The following COMMD10 variants were observed in gnomAD, a reference collection of about 807,000 sequenced individuals.
COMMD10 encodes COMM domain containing 10, also known as COMM domain-containing protein 10.
COMMD10 carries 33 observed loss-of-function variants against 28.9 expected under a neutral mutation model. The observed-to-expected ratio is 1.14, with a 90% CI of 0.87 to 1.53. COMMD10 has a LOEUF of 1.53. Ranked by LOEUF, COMMD10 falls within the 40% of genes most tolerant of loss-of-function variation. The probability of loss-of-function intolerance (pLI) is 0.00; values close to 1 mark genes in which losing one functional copy is unlikely to be tolerated. For missense variants in COMMD10, 310 were observed against 233.4 expected, an observed-to-expected ratio of 1.33 and a Z score of -2.14; for synonymous variants, 110 against 81.7, an observed-to-expected ratio of 1.35 and a Z score of -1.87.
chr5:116,088,156 C>CAAAA (rs751626077), intron 2 of COMMD10, among the ~76,000 whole-genome samples: 4,722 of 152,172 alleles, frequency 0.031, 79 homozygotes, highest in African/African-American at 0.034. Flanking sequence ...AATTTGATTC[C>CAAAA]ATCTCATATT....
At chr5:116,116,837 G>T (rs933496340) in intron 4 of COMMD10, among the ~76,000 whole-genome samples, 1 of 151,662 alleles carries the variant, frequency 6.6e-6, no homozygotes, top group East Asian at 1.9e-4. Context: ...TCCTGCCTCA[G>T]CCTCCCAAAA....
chr5:116,120,679 T>G (rs1264051777), intron 4 of COMMD10, among the ~76,000 whole-genome samples: 4 of 152,118 alleles, frequency 2.6e-5, no homozygotes, highest in Admixed American at 1.3e-4. Context: ...ATATACTTTT[T>G]GTATGTGTCT....
chr5:116,184,358 C>G (rs1223365231), intron 5 of COMMD10, among the ~76,000 whole-genome samples: 4 of 149,400 alleles, frequency 2.7e-5, no homozygotes, highest in African/African-American at 7.4e-5. Context: ...CAGCTTTACT[C>G]TACAATAAGT....
chr5:116,215,345 A>G (rs1749067724), intron 5 of COMMD10, among the ~76,000 whole-genome samples: 1 of 152,098 alleles, frequency 6.6e-6, no homozygotes, highest in Non-Finnish European at 1.5e-5. Flanking sequence ...GTATTGATGC[A>G]GTATGGTCAA....
At chr5:116,088,930 T>A (rs1750210583) in intron 2 of COMMD10, among the ~76,000 whole-genome samples, 1 of 152,216 alleles carries the variant, frequency 6.6e-6, no homozygotes, top group South Asian at 2.1e-4. Flanking sequence ...TCTTTATGTT[T>A]CCCATTCCTA....
At chr5:116,204,169 C>G (rs1240488873) in intron 5 of COMMD10, among the ~76,000 whole-genome samples, 1 of 152,132 alleles carries the variant, frequency 6.6e-6, no homozygotes, top group African/African-American at 2.4e-5. Flanking sequence ...GTAAAGGGAT[C>G]AATTCAACAA....
At chr5:116,255,774 C>G (rs1580588241) in intron 5 of COMMD10, 1 of 151,030 alleles carries the variant, frequency 6.6e-6, no homozygotes, top group South Asian at 2.1e-4. Flanking sequence ...AAAAAAGATA[C>G]AACCCATGAG....
intron 5 of COMMD10, among the ~76,000 whole-genome samples, chr5:116,220,781 A>G (rs979133047): frequency 3.3e-5 from 5 of 152,160 alleles, no homozygotes; most frequent in African/African-American, 9.7e-5. Flanking sequence ...CTATTACCCT[A>G]TGGGAATCTG....
intron 5 of COMMD10, among the ~76,000 whole-genome samples, chr5:116,201,096 T>G (rs551062016): frequency 1.3e-5 from 2 of 152,268 alleles, no homozygotes; most frequent in South Asian, 4.1e-4. Flanking sequence ...TTGGGTATTT[T>G]CTTTCTCCCA....
intron 5 of COMMD10, among the ~76,000 whole-genome samples, chr5:116,165,640 ACG>A (rs1160287053): frequency 6.6e-6 from 1 of 151,912 alleles, no homozygotes; most frequent in Non-Finnish European, 1.5e-5. Context: ...GCGCACACAC[ACG>A]CGTGTGCACA....
At position 116,292,440 on chromosome 5, in the gene COMMD10, T is replaced by A; in HGVS notation, c.571-11T>A. 6.6e-7 allele frequency: 1 copy of A among 1,508,622 alleles called. No homozygotes were observed. The highest frequency in any genetic ancestry group is 8.9e-7 in the Non-Finnish European group (1 of 1,129,858). The allele number at this position is 1,508,622 out of a possible 1,614,324, so 93.5% of individuals were successfully genotyped here. A position where few individuals can be genotyped will look rare whatever the true frequency, so the allele number is the denominator to read the frequency against. ...ACTAACGTCTTTTTTTTTTTTTGTC[T>A]TTGTAAATAGCTAGAGACTATACAA... On this transcript the variant is annotated splice_polypyrimidine_tract_variant and intron_variant, in intron 6 of 6. Coordinates refer to ENST00000274458, the MANE Select transcript of COMMD10 (RefSeq NM_016144.4).
At chr5:116,118,606 G>T (rs2112747676) in intron 4 of COMMD10, among the ~76,000 whole-genome samples, 1 of 152,202 alleles carries the variant, frequency 6.6e-6, no homozygotes, top group Admixed American at 6.5e-5. Context: ...ATTTTTGGTT[G>T]TACTTCAAGC....
intron 5 of COMMD10, among the ~76,000 whole-genome samples, chr5:116,288,550 C>T (rs543014082): frequency 2.0e-5 from 3 of 151,750 alleles, no homozygotes; most frequent in East Asian, 1.9e-4. Context: ...TTCTCTCTTA[C>T]TTTCCCTTCT....
At chr5:116,199,477 C>A (rs1467027191) in intron 5 of COMMD10, among the ~76,000 whole-genome samples, 1 of 152,034 alleles carries the variant, frequency 6.6e-6, no homozygotes. Flanking sequence ...TGAAGTCCAG[C>A]TTGTCACTTC....
At chr5:116,126,804 C>T (rs906013017) in intron 4 of COMMD10, among the ~76,000 whole-genome samples, 3 of 152,156 alleles carry the variant, frequency 2.0e-5, no homozygotes, top group Admixed American at 2.0e-4. Context: ...AAAAATTAGA[C>T]CTAAAACCAT....
In COMMD10 at chr5:116,103,599, A is replaced by G. The variant is rs1001774885; in HGVS notation, c.399+10899A>G. 4.3e-4 allele frequency among the ~76,000 whole-genome samples: 65 copies of G among 152,182 alleles called. 1 individual carries two copies. The highest frequency in any genetic ancestry group is 3.4e-3 in the Middle Eastern group (1 of 292). ...GGATAGATTGCAAAAATTTTCTCCC[A>G]TTCTGTAGGTTGCCTATTCACTCTG... On this transcript the variant is annotated intron_variant, in intron 4 of 6. Coordinates refer to ENST00000274458, the MANE Select transcript of COMMD10 (RefSeq NM_016144.4).
intron 5 of COMMD10, among the ~76,000 whole-genome samples, chr5:116,146,064 T>G (rs1580487060): frequency 1.3e-5 from 2 of 152,054 alleles, no homozygotes; most frequent in South Asian, 2.1e-4. Context: ...TGACTTTTAA[T>G]TTGAGTCTTG....
chr5:116,112,849 A>T (rs1268071744), intron 4 of COMMD10, among the ~76,000 whole-genome samples: 1 of 151,702 alleles, frequency 6.6e-6, no homozygotes, highest in East Asian at 1.9e-4. Context: ...GTCTAAATTT[A>T]TGGTTTGTTG....
chr5:116,266,626 A>C (rs13159814), intron 5 of COMMD10, among the ~76,000 whole-genome samples: 12,810 of 151,684 alleles, frequency 0.084, 717 homozygotes, highest in Non-Finnish European at 0.13. Context: ...AGTTGCACTC[A>C]GAATAAAAAT....
Sources: gnomAD v4.1 joint callset for allele counts (sites outside exome capture counted in the v4.1 genomes callset) on GRCh38, gnomAD v4.1.1 for gene constraint, MANE v1.5 for transcripts, NCBI Gene and HGNC (gene_info 2026-07-23, HGNC 2026-07-21) for gene names.